The following UBAP2L variants were observed in gnomAD, a reference collection of about 807,000 sequenced individuals.
The protein encoded by UBAP2L is ubiquitin associated protein 2 like.
A neutral mutation model predicts 130.6 loss-of-function variants in UBAP2L; 12 were observed. The observed-to-expected ratio is 0.09, with a 90% CI of 0.06 to 0.15. The LOEUF (loss-of-function observed/expected upper bound fraction) is 0.15. Among genes scored for constraint, UBAP2L ranks in the 10% least tolerant of loss-of-function variants. The pLI, the probability that UBAP2L is intolerant of heterozygous loss-of-function variation, is 1.00. For synonymous variants in UBAP2L, 503 were observed against 524.7 expected, an observed-to-expected ratio of 0.96 and a Z score of 0.57; for missense variants, 965 against 1,332.5, an observed-to-expected ratio of 0.72 and a Z score of 4.29.
At chr1:154,260,128 A>ATT in intron 22 of UBAP2L, 99 bp downstream of exon 22, 1 of 1,307,338 alleles carries the variant, frequency 7.6e-7, no homozygotes, top group Admixed American at 1.8e-5. Context: ...ATAAATCAGG[A>ATT]TTGGTAGATT....
Position 154,268,904 on chromosome 1 carries a change from C to A in UBAP2L, c.3118C>A (p.Gln1040Lys). ...CTTTATGCACATTCTGACCCCCCAT[C>A]AGCAGCCGCATTCTCAGATCCTTCA... ...APFMHILTPHQQPHSQILHHH... is the reference protein window; with the variant it reads ...APFMHILTPHKQPHSQILHHH... The change falls in exon 26 of 27, where the codon CAG (glutamine) becomes AAG (lysine). Residue 1040 changes from glutamine (Q) to lysine (K), a missense_variant. Transcript: ENST00000428931. 6.2e-7 allele frequency: 1 copy of A among 1,613,792 alleles called. No homozygotes were observed. The highest frequency in any genetic ancestry group is 8.5e-7 in the Non-Finnish European group (1 of 1,179,936).
intron 25 of UBAP2L, 72 bp from the exon 26 acceptor site, chr1:154,268,685 T>G: frequency 6.6e-7 from 1 of 1,503,826 alleles, no homozygotes; most frequent in South Asian, 1.2e-5. Flanking sequence ...TCAGGGAGCT[T>G]GAGCTCAGGA....
intron 1 of UBAP2L, 156 bp downstream of exon 1, chr1:154,221,131 C>A (rs1571519713): frequency 6.6e-6 from 1 of 151,636 alleles, no homozygotes; most frequent in South Asian, 1.5e-4. Flanking sequence ...CCTCGGTAGG[C>A]CCCCCCACAC....
rs370625284 is a variant in UBAP2L at position 154,245,639 on chromosome 1, G to A, written c.843-565G>A. 2.1e-3 allele frequency among the ~76,000 whole-genome samples: 321 copies of A among 152,260 alleles called. 6 individuals carry two copies. In the South Asian group the frequency reaches 0.021, roughly 10 times the overall value. On this transcript the variant is annotated intron_variant, in intron 10 of 26. Transcript: ENST00000428931. ...AAAACTAGCATTTGAGGCCGGGTGCGGTGCGGTGGCTAACGCCTGTAATCC... is the reference window on the plus strand; with the variant it reads ...AAAACTAGCATTTGAGGCCGGGTGCAGTGCGGTGGCTAACGCCTGTAATCC...
intron 10 of UBAP2L, 39 bp from the exon 11 acceptor site, chr1:154,246,165 C>G: frequency 2.0e-6 from 1 of 489,610 alleles, no homozygotes; most frequent in Non-Finnish European, 2.7e-6. Context: ...TTAGCGTGTT[C>G]AGTCATTCTT....
At chr1:154,253,305 C>T (rs1186934306) in intron 14 of UBAP2L, among the ~76,000 whole-genome samples, 1 of 151,340 alleles carries the variant, frequency 6.6e-6, no homozygotes, top group Non-Finnish European at 1.5e-5. Context: ...TCCGGGTCCA[C>T]TTTTTCTTAT....
chr1:154,246,054 G>A, intron 10 of UBAP2L, 150 bp from the exon 11 acceptor site: 1 of 680,734 alleles, frequency 1.5e-6, no homozygotes, highest in Middle Eastern at 4.4e-4. Context: ...GTTATTTTGG[G>A]ACATTTAAGC....
chr1:154,261,651 C>T lies in UBAP2L; in HGVS notation c.2856C>T (p.Thr952=). The T allele has an allele frequency of 6.2e-7, 1 of 1,614,118 alleles. No individual in the cohort carries two copies. Among genetic ancestry groups the T allele is most frequent in the Non-Finnish European group, 8.5e-7 (1 of 1,180,026 alleles). Residue 952 remains threonine, a synonymous_variant, in exon 24 of 27, where the codon ACC becomes ACT. Coordinates refer to ENST00000428931, the MANE Select transcript of UBAP2L (RefSeq NM_014847.4). ...ATGTCAGTGTGAATGCATCGGCCAC[C>T]CCTTTCCAACAGCCGAGTGGATATG... ...GVNVSVNASA[T]PFQQPSGYGS...
intron 4 of UBAP2L, among the ~76,000 whole-genome samples, chr1:154,233,395 C>T (rs1283029647): frequency 2.0e-5 from 3 of 150,908 alleles, no homozygotes; most frequent in East Asian, 2.0e-4. Context: ...TGCGATCTTG[C>T]GTCATTGCAA....
rs770890613 is a variant in UBAP2L at position 154,266,603 on chromosome 1, GAT to G, written c.2970+37_2970+38del. 7.5e-6 allele frequency: 12 copies of G among 1,600,944 alleles called. No individual in the cohort carries two copies. The African/African-American group carries it at 1.6e-4, about 21-fold the overall frequency. On this transcript the variant is annotated intron_variant, in intron 25 of 26. Coordinates refer to ENST00000428931, the MANE Select transcript of UBAP2L (RefSeq NM_014847.4). Reference sequence around the variant, plus strand: ...TGGCTCTGGATAAAAGTGGAAAAGAGATAGACATAGAGGAGGTGGAGTTGCAA... The same window carrying G: ...TGGCTCTGGATAAAAGTGGAAAAGAGAGACATAGAGGAGGTGGAGTTGCAA...
intron 14 of UBAP2L, among the ~76,000 whole-genome samples, chr1:154,252,678 G>A (rs1678158319): frequency 1.3e-5 from 2 of 151,980 alleles, no homozygotes; most frequent in South Asian, 4.2e-4. Context: ...TCCTGCCTCA[G>A]CCTCCCTAGT....
At chr1:154,243,939 G>A (rs1388260763) in intron 10 of UBAP2L, among the ~76,000 whole-genome samples, 6 of 152,196 alleles carry the variant, frequency 3.9e-5, no homozygotes, top group Non-Finnish European at 7.3e-5. Flanking sequence ...AGAGCCAAAA[G>A]TGGAAATGTT....
chr1:154,236,885 G>T, intron 7 of UBAP2L, 139 bp from the exon 8 acceptor site: 3 of 703,292 alleles, frequency 4.3e-6, no homozygotes, highest in Non-Finnish European at 4.8e-6. Flanking sequence ...GTGAGAAAAA[G>T]TAGATGACAC....
chr1:154,247,162 G>A (rs1675810461), intron 11 of UBAP2L, among the ~76,000 whole-genome samples: 1 of 152,096 alleles, frequency 6.6e-6, no homozygotes. Flanking sequence ...CAGACCATGT[G>A]TGTGCATATA....
intron 24 of UBAP2L, among the ~76,000 whole-genome samples, chr1:154,264,075 C>T (rs1682477939): frequency 6.6e-6 from 1 of 152,168 alleles, no homozygotes; most frequent in African/African-American, 2.4e-5. Flanking sequence ...TAAGGATGTG[C>T]AGGAGCGGTT....
chr1:154,246,019 A>G (rs548788118), intron 10 of UBAP2L, among the ~76,000 whole-genome samples, 185 bp from the exon 11 acceptor site: 1 of 152,368 alleles, frequency 6.6e-6, no homozygotes, highest in Admixed American at 6.5e-5. Context: ...ATTCAGCTAT[A>G]TACTGTAGTG....
intron 8 of UBAP2L, among the ~76,000 whole-genome samples, chr1:154,241,160 C>G (rs1257617948): frequency 9.2e-5 from 14 of 152,098 alleles, no homozygotes; most frequent in Admixed American, 9.2e-4. Flanking sequence ...GCGATCTCAG[C>G]TCACTGCAAC....
chr1:154,270,990 C>A (rs536337736), downstream of UBAP2L: 32 of 1,519,326 alleles, frequency 2.1e-5, no homozygotes, highest in South Asian at 1.8e-4. Flanking sequence ...AATCTTCGCC[C>A]TTTAAGAACT....
chr1:154,241,855 G>A (rs1673714025), intron 9 of UBAP2L: 1 of 854,284 alleles, frequency 1.2e-6, no homozygotes, highest in Non-Finnish European at 1.4e-6. Flanking sequence ...GGTTGGGTAG[G>A]GCACCAGAAG....
Sources: allele counts gnomAD v4.1 joint callset (sites outside exome capture counted in the v4.1 genomes callset), GRCh38; gene constraint gnomAD v4.1.1; transcripts MANE v1.5; gene names NCBI Gene and HGNC (gene_info 2026-07-23, HGNC 2026-07-21).